The following ACP2 variants were observed in gnomAD, a reference collection of about 807,000 sequenced individuals.
ACP2 encodes the protein lysosomal acid phosphatase.
In ACP2, 35 loss-of-function variants were observed where a neutral mutation model predicts 54.7. That is an observed-to-expected ratio of 0.64 (90% confidence interval 0.49 to 0.85). The LOEUF is 0.85. Among genes scored for constraint, ACP2 ranks in the 40% least tolerant of loss-of-function variants. The pLI is 0.00. For missense variants in ACP2, 492 were observed against 565.0 expected (o/e 0.87, Z 1.31); for synonymous variants, 210 against 224.4 (o/e 0.94, Z 0.57).
chr11:47,245,016 C>T (rs962045112), intron 6 of ACP2, 149 bp from the exon 7 acceptor site: 36 of 1,390,852 alleles, frequency 2.6e-5, no homozygotes, highest in African/African-American at 7.2e-5. Flanking sequence ...ACATGGCAGG[C>T]GGTGTGGATG....
chr11:47,248,058 C>G lies in ACP2; in HGVS notation c.190G>C (p.Gly64Arg), dbSNP rs774372445. Reference protein sequence around the residue: ...DPYQEEEWPQGFGQLTKEGML... With the variant: ...DPYQEEEWPQRFGQLTKEGML... Reference sequence around the variant, plus strand: ...CCCACCTTGGTTAACTGACCAAACCCCTGGGGCCATTCTTCTTCCTGATAG... The same window carrying G: ...CCCACCTTGGTTAACTGACCAAACCGCTGGGGCCATTCTTCTTCCTGATAG... Residue 64 changes from glycine (G) to arginine (R), a missense_variant, in exon 2 of 11, where the codon GGG (glycine) becomes CGG (arginine). Coordinates refer to ENST00000672073, the MANE Select transcript of ACP2 (RefSeq NM_001610.4). The G allele has an allele frequency of 6.2e-7, 1 of 1,608,610 alleles. No homozygotes were observed. The highest frequency in any genetic ancestry group is 8.5e-7 in the Non-Finnish European group (1 of 1,178,316).
Position 47,244,925 on chromosome 11 carries a change from C to T in ACP2, c.640-58G>A, listed in dbSNP as rs1954009701. The T allele has an allele frequency of 5.3e-6, 8 of 1,521,638 alleles. No homozygotes were observed. The Admixed American group carries it at 1.1e-4, about 20-fold the overall frequency. The allele number at this position is 1,521,638 out of a possible 1,614,324, so 94.3% of individuals were successfully genotyped here. ...GGCCTAGGCCAGCCTCTCCAGGGGG[C>T]AGCTCTCTTCCCTAGTGGGAAGGTG... On this transcript the variant is annotated intron_variant, in intron 6 of 10. Coordinates refer to ENST00000672073, the MANE Select transcript of ACP2 (RefSeq NM_001610.4).
intron 1 of ACP2, 65 bp from the exon 2 acceptor site, chr11:47,248,198 C>A: frequency 3.5e-6 from 5 of 1,448,242 alleles, no homozygotes; most frequent in Non-Finnish European, 3.7e-6. Context: ...CCAGAGCCTA[C>A]CTTTTGCCCC....
intron 10 of ACP2, among the ~76,000 whole-genome samples, chr11:47,242,388 T>C (rs1162637657): frequency 6.6e-6 from 1 of 151,988 alleles, no homozygotes; most frequent in East Asian, 1.9e-4. Flanking sequence ...AGTGATCCAG[T>C]AGAGAAGCAG....
chr11:47,245,866 G>A, intron 3 of ACP2, 32 bp from the exon 4 acceptor site: 1 of 1,514,820 alleles, frequency 6.6e-7, no homozygotes. Context: ...TCGTGTGTGT[G>A]TGTGTGTGTG....
Position 47,248,778 on chromosome 11 carries a change from C to T in ACP2, c.12G>A (p.Lys4=). The T allele has an allele frequency of 6.3e-7, 1 of 1,596,462 alleles. No homozygotes were observed. Among genetic ancestry groups the T allele is most frequent in the Non-Finnish European group, 8.5e-7 (1 of 1,171,604 alleles). ...GAGCCGCCCGGCTCCAGCCGGACCG[C>T]TTGCCCGCCATCACCGTTGTAATCT... MAG[K]RSGWSRAALL... The change falls in exon 1 of 11, where the codon AAG becomes AAA. Residue 4 remains lysine (K), a synonymous_variant. Transcript: ENST00000672073.
chr11:47,244,743 A>C lies in ACP2; in HGVS notation c.764T>G (p.Leu255Arg), dbSNP rs1953993804. 1 of 1,606,742 alleles carries C rather than the reference A, an allele frequency of 6.2e-7. No individual in the cohort carries two copies. The highest frequency in any genetic ancestry group is 1.3e-5 in the African/African-American group (1 of 74,838). Reference protein sequence around the residue: ...GIYQQAEKARLQGGVLLAQIR... With the variant: ...GIYQQAEKARRQGGVLLAQIR... ...CTGTCCTTGTCACTCACCCCCCTGA[A>C]GCCGGGCCTTCTCCGCCTGCTGGTA... is the stretch of plus-strand genomic sequence containing the variant. Residue 255 changes from leucine (L) to arginine (R), a missense_variant, in exon 7 of 11, where the codon CTT becomes CGT. Leu to Arg is a moderately radical substitution (Grantham distance 102). Coordinates refer to ENST00000672073, the MANE Select transcript of ACP2 (RefSeq NM_001610.4).
Position 47,245,508 on chromosome 11 carries a change from G to A in ACP2, c.515C>T (p.Thr172Ile). The change falls in exon 5 of 11, where the codon ACA becomes ATA. Residue 172 changes from threonine (T) to isoleucine (I), a missense_variant. Coordinates refer to ENST00000672073, the MANE Select transcript of ACP2 (RefSeq NM_001610.4). ...AGAACTCTCATTCTGATACTCTGGT[G>A]TCTGCCGGGTCTCGTTCTGCAGCTG... ...YEQLQNETRQ[T>I]PEYQNESSRN... is the part of the protein sequence containing the mutation. The A allele has an allele frequency of 1.2e-6, 2 of 1,614,250 alleles. No homozygotes were observed. The highest frequency in any genetic ancestry group is 1.1e-5 in the South Asian group (1 of 91,092).
chr11:47,247,526 G>T, intron 3 of ACP2, 115 bp downstream of exon 3: 1 of 1,213,330 alleles, frequency 8.2e-7, no homozygotes, highest in South Asian at 1.2e-5. Flanking sequence ...CTGTAGTTGT[G>T]ACCAAAAATA....
rs1591015867 is a variant in ACP2 at position 47,244,769 on chromosome 11, G to T, written c.738C>A (p.Ile246=). The T allele has an allele frequency of 1.2e-6, 2 of 1,612,070 alleles. No homozygotes were observed. The highest frequency in any genetic ancestry group is 1.7e-6 in the Non-Finnish European group (2 of 1,178,532). The part of the protein sequence containing the change: ...KDFSFRFLFG[I]YQQAEKARLQ... ...GCCGGGCCTTCTCCGCCTGCTGGTA[G>T]ATTCCGAAGAGGAAGCGGAAGCTGA... The change falls in exon 7 of 11, where the codon ATC becomes ATA. Residue 246 remains isoleucine, a synonymous_variant. Coordinates refer to ENST00000672073, the MANE Select transcript of ACP2 (RefSeq NM_001610.4).
rs750729492 is a variant in ACP2, at chr11:47,245,556, A to G, written c.467T>C (p.Leu156Ser). ...ITEDRLLKFP[L>S]GPCPRYEQLQ... ...CTGCTCATAACGGGGACATGGGCCC[A>G]ACGGGAACTTCAGCAGCTGTAGAGC... The change falls in exon 5 of 11, where the codon TTG becomes TCG. Residue 156 changes from leucine (L) to serine (S), a missense_variant. Physicochemically the swap from Leu to Ser is moderately radical, Grantham distance 145. Transcript: ENST00000672073. 4 of 1,614,206 alleles carry G rather than the reference A, an allele frequency of 2.5e-6. No homozygotes were observed. The highest frequency in any genetic ancestry group is 3.4e-6 in the Non-Finnish European group (4 of 1,180,034).
intron 3 of ACP2, among the ~76,000 whole-genome samples, chr11:47,246,150 A>G (rs562584936): frequency 6.6e-6 from 1 of 152,282 alleles, no homozygotes; most frequent in South Asian, 2.1e-4. Context: ...CTTCCAGTCA[A>G]AAGTGCTGAG....
Position 47,245,731 on chromosome 11 carries a change from A to C in ACP2, c.401T>G (p.Ile134Ser). Residue 134 changes from isoleucine (I) to serine (S), a missense_variant, in exon 4 of 11, where the codon ATC (isoleucine) becomes AGC (serine). Ile to Ser is a moderately radical substitution (Grantham distance 142). Coordinates refer to ENST00000672073, the MANE Select transcript of ACP2 (RefSeq NM_001610.4). Reference sequence around the variant, plus strand: ...GTGCACAGGAATAGGCTGCCACGAGATGTTCGGGTTGAAGCGCTGCATCCC... The same window carrying C: ...GTGCACAGGAATAGGCTGCCACGAGCTGTTCGGGTTGAAGCGCTGCATCCC... ...PNGMQRFNPN[I>S]SWQPIPVHTV... 1 of 1,613,772 alleles carries C rather than the reference A, an allele frequency of 6.2e-7. No individual in the cohort carries two copies. Among genetic ancestry groups the C allele is most frequent in the Non-Finnish European group, 8.5e-7 (1 of 1,179,784 alleles).
chr11:47,247,685 G>C lies in ACP2; in HGVS notation c.253C>G (p.Gln85Glu), dbSNP rs1954226623. 6.2e-7 allele frequency: 1 copy of C among 1,614,152 alleles called. No homozygotes were observed. The highest frequency in any genetic ancestry group is 8.5e-7 in the Non-Finnish European group (1 of 1,180,050). ...QHWELGQALR[Q>E]RYHGFLNTSY... ...GTGTTTAGGAAGCCGTGATAGCGCT[G>C]CCGCAGGGCCTGGCCCAGTTCCCAG... Residue 85 changes from glutamine to glutamate, a missense_variant, in exon 3 of 11, where the codon CAG becomes GAG. Physicochemically the swap from Gln to Glu is conservative, Grantham distance 29 (BLOSUM62 2). Coordinates refer to ENST00000672073, the MANE Select transcript of ACP2 (RefSeq NM_001610.4).
At chr11:47,245,885 T>TGTGTGTGTG (rs1554977125) in intron 3 of ACP2, 51 bp from the exon 4 acceptor site, 159 of 1,498,720 alleles carry the variant, frequency 1.1e-4, no homozygotes, top group Admixed American at 4.4e-4. Flanking sequence ...TGTGTGTGTG[T>TGTGTGTGTG]TGGGGAAGTT....
Position 47,244,859 on chromosome 11 carries a change from G to C in ACP2, c.648C>G (p.His216Gln), listed in dbSNP as rs370355905. The change falls in exon 7 of 11, where the codon CAC becomes CAG. Residue 216 changes from histidine to glutamine, a missense_variant. Physicochemically the swap from His to Gln is conservative, Grantham distance 24. Coordinates refer to ENST00000672073, the MANE Select transcript of ACP2 (RefSeq NM_001610.4). ...AGGCCCAGGGCGGCAGGCGCAGCCC[G>C]TGCGTTTGCTGTGTATCGCAGCAGG... ...VYDTLFCEQT[H>Q]GLRLPPWASP... The C allele has an allele frequency of 6.2e-7, 1 of 1,606,466 alleles. No individual in the cohort carries two copies. Among genetic ancestry groups the C allele is most frequent in the African/African-American group, 1.3e-5 (1 of 74,766 alleles).
rs779574814 is a variant in ACP2, at chr11:47,242,975, T to G, written c.962+43A>C. On this transcript the variant is annotated intron_variant, in intron 9 of 10. Coordinates refer to ENST00000672073, the MANE Select transcript of ACP2 (RefSeq NM_001610.4). ...GGTCCTTGGGCTGCCCCGAGCCACC[T>G]CCCGAGGGCCCCCCTCCAGAGGACA... 5.6e-6 allele frequency: 9 copies of G among 1,612,772 alleles called. No individual in the cohort carries two copies. The South Asian group carries it at 9.9e-5, about 18-fold the overall frequency.
chr11:47,247,681 C>A lies in ACP2; in HGVS notation c.257G>T (p.Arg86Leu). The stretch of plus-strand genomic sequence containing the variant: ...AGAGGTGTTTAGGAAGCCGTGATAG[C>A]GCTGCCGCAGGGCCTGGCCCAGTTC... ...HWELGQALRQ[R>L]YHGFLNTSYH... The change falls in exon 3 of 11, where the codon CGC (arginine) becomes CTC (leucine). Residue 86 changes from arginine to leucine, a missense_variant. Coordinates refer to ENST00000672073, the MANE Select transcript of ACP2 (RefSeq NM_001610.4). 2 of 1,614,168 alleles carry A rather than the reference C, an allele frequency of 1.2e-6. No individual in the cohort carries two copies. The highest frequency in any genetic ancestry group is 1.7e-6 in the Non-Finnish European group (2 of 1,180,050).
chr11:47,243,272 G>A lies in ACP2; in HGVS notation c.822C>T (p.Thr274=), dbSNP rs138306292. 3.1e-6 allele frequency: 5 copies of A among 1,614,248 alleles called. No homozygotes were observed. The highest frequency in any genetic ancestry group is 1.3e-5 in the African/African-American group (1 of 75,064). ...AAACCAGCAGCTTGGGGAGCTGGGA[G>A]GTGGTCGCCATTAGGGTCAGGTTCT... ...IRKNLTLMAT[T]SQLPKLLVYS... is the part of the protein sequence containing the mutation. Residue 274 remains threonine (T), a synonymous_variant, in exon 8 of 11, where the codon ACC becomes ACT. Coordinates refer to ENST00000672073, the MANE Select transcript of ACP2 (RefSeq NM_001610.4).
Sources: gnomAD v4.1 joint callset for allele counts (sites outside exome capture counted in the v4.1 genomes callset) on GRCh38, gnomAD v4.1.1 for gene constraint, MANE v1.5 for transcripts, NCBI Gene and HGNC (gene_info 2026-07-23, HGNC 2026-07-21) for gene names.